Variants in ZNF564 observed in about 807,000 individuals in gnomAD.
The protein encoded by ZNF564 is zinc finger protein 564.
ZNF564 carries 5 observed loss-of-function variants against 10.5 expected under a neutral mutation model. The ratio of observed to expected loss-of-function variants is 0.48; its 90% CI spans 0.25 to 1.00. ZNF564 has a LOEUF of 1.00. Among genes scored for constraint, ZNF564 ranks in the 50% least tolerant of loss-of-function variants. The pLI is 0.16. For missense variants in ZNF564, 603 were observed against 669.7 expected, an observed-to-expected ratio of 0.90 and a Z score of 1.10; for synonymous variants, 242 against 218.1, an observed-to-expected ratio of 1.11 and a Z score of -0.97.
intron 1 of ZNF564, among the ~76,000 whole-genome samples, chr19:12,548,367 C>T (rs998787633): frequency 1.3e-5 from 2 of 151,944 alleles, no homozygotes; most frequent in African/African-American, 4.8e-5. Context: ...CAGGCACACA[C>T]CGCCACACCC....
chr19:12,541,066 C>CAAAAA (rs35848835), intron 1 of ZNF564, among the ~76,000 whole-genome samples: 7 of 59,596 alleles, frequency 1.2e-4, no homozygotes, highest in Admixed American at 2.3e-4. Context: ...CCTGTCTCTA[C>CAAAAA]AAAAAAAAAA....
chr19:12,536,231 C>T (rs1397589443), intron 1 of ZNF564, among the ~76,000 whole-genome samples: 1 of 152,078 alleles, frequency 6.6e-6, no homozygotes, highest in Non-Finnish European at 1.5e-5. Context: ...GATTGGAGTG[C>T]AGTGGTATGA....
At position 12,551,478 on chromosome 19, in the gene ZNF564, A is replaced by C; in HGVS notation, c.-146T>G. ...CCAAACGCAGCGGACACGAAACAGGAAGACCCCGCGGAGTTGTTGAACATT... is the reference window on the plus strand; with the variant it reads ...CCAAACGCAGCGGACACGAAACAGGCAGACCCCGCGGAGTTGTTGAACATT... On this transcript the variant is annotated 5_prime_UTR_variant, in exon 1 of 4. Coordinates refer to ENST00000339282, the MANE Select transcript of ZNF564 (RefSeq NM_144976.4). The C allele has an allele frequency of 7.1e-7, 1 of 1,411,600 alleles. No individual in the cohort carries two copies. The highest frequency in any genetic ancestry group is 1.5e-5 in the South Asian group (1 of 67,480). 87.4% of individuals were successfully genotyped at this position (1,411,600 alleles called of 1,614,324 possible). A position where few individuals can be genotyped will look rare whatever the true frequency, so the allele number is the denominator to read the frequency against.
intron 3 of ZNF564, 114 bp downstream of exon 3, chr19:12,528,190 A>C: frequency 9.1e-7 from 1 of 1,104,148 alleles, no homozygotes; most frequent in East Asian, 2.4e-5. Context: ...TCTGGTGAAA[A>C]AGTTGTAGGA....
At chr19:12,547,260 G>C (rs377248712) in intron 1 of ZNF564, among the ~76,000 whole-genome samples, 10 of 152,092 alleles carry the variant, frequency 6.6e-5, no homozygotes, top group East Asian at 5.8e-4. Flanking sequence ...CTTACTATGT[G>C]TACAGGTTAG....
rs548451925 is a variant in ZNF564 at position 12,538,801 on chromosome 19, CCT to C, written c.4-10107_4-10106del. 6.7e-3 allele frequency among the ~76,000 whole-genome samples: 1,015 copies of C among 151,240 alleles called. 11 individuals carry two copies. The highest frequency in any genetic ancestry group is 7.4e-3 in the Non-Finnish European group (502 of 67,820). On this transcript the variant is annotated intron_variant, in intron 1 of 3. Transcript: ENST00000339282. ...TCCAGTCTGGGCGACAGAGCAAGAC[CCT>C]GTCTCAAAAAAAAAAGTATCAACTT...
chr19:12,537,120 T>C (rs976991440), intron 1 of ZNF564, among the ~76,000 whole-genome samples: 11 of 152,192 alleles, frequency 7.2e-5, no homozygotes, highest in Admixed American at 1.3e-4. Context: ...GTCACATCCA[T>C]GTTGTAGCAC....
In ZNF564 at chr19:12,527,745, G is replaced by T. The variant is rs774473530; in HGVS notation, c.363C>A (p.His121Gln). 5 of 1,613,938 alleles carry T rather than the reference G, an allele frequency of 3.1e-6. No individual in the cohort carries two copies. The highest frequency in any genetic ancestry group is 4.2e-6 in the Non-Finnish European group (5 of 1,180,018). ...GTTTGTGTCCAAGGTGAGATCTGAT[G>T]TGCCTACTAAGGGATGAATGATGCA... Reference protein sequence around the residue: ...VFMHHSSLSRHIRSHLGHKPY... With the variant: ...VFMHHSSLSRQIRSHLGHKPY... Residue 121 changes from histidine (H) to glutamine (Q), a missense_variant, in exon 4 of 4, where the codon CAC becomes CAA. By Grantham distance (24) the His-to-Gln change is conservative. Transcript: ENST00000339282.
chr19:12,551,267 G>A (rs752104545), intron 1 of ZNF564, 63 bp downstream of exon 1: 13 of 1,564,196 alleles, frequency 8.3e-6, no homozygotes, highest in Non-Finnish European at 1.1e-5. Context: ...TTCCACAGCC[G>A]GTTCCGGCCG....
chr19:12,538,623 TA>T (rs1411091381), intron 1 of ZNF564, among the ~76,000 whole-genome samples: 1 of 151,018 alleles, frequency 6.6e-6, no homozygotes, highest in Non-Finnish European at 1.5e-5. Context: ...AGACTCTGTC[TA>T]AAAAAAATAA....
At position 12,526,283 on chromosome 19, in the gene ZNF564, A is replaced by G; in HGVS notation, c.*163T>C. 1 of 713,772 alleles carries G rather than the reference A, an allele frequency of 1.4e-6. No individual in the cohort carries two copies. Among genetic ancestry groups the G allele is most frequent in the South Asian group, 2.4e-5 (1 of 42,118 alleles). The allele number at this position is 713,772 out of a possible 1,614,324, so 44.2% of individuals were successfully genotyped here. ...CGAACCGGTGAAAACCAAACTAGTC[A>G]TGTATTTCCAAAATATGAGACAGGC... On this transcript the variant is annotated 3_prime_UTR_variant, in exon 4 of 4. Coordinates refer to ENST00000339282, the MANE Select transcript of ZNF564 (RefSeq NM_144976.4).
In ZNF564 at chr19:12,538,670, T is replaced by G. The variant is rs549835986; in HGVS notation, c.4-9974A>C. On this transcript the variant is annotated intron_variant, in intron 1 of 3. Coordinates refer to ENST00000339282, the MANE Select transcript of ZNF564 (RefSeq NM_144976.4). ...AATAAAAAAATTTTAACTAGTCGAGTGTGGTGGCACAAGCCTGTAATCCCA... is the reference window on the plus strand; with the variant it reads ...AATAAAAAAATTTTAACTAGTCGAGGGTGGTGGCACAAGCCTGTAATCCCA... Among the ~76,000 whole-genome samples, 6 of 151,388 alleles carry G rather than the reference T, an allele frequency of 4.0e-5. No individual in the cohort carries two copies. The South Asian group carries it at 8.4e-4, about 21-fold the overall frequency.
At chr19:12,548,656 T>C (rs924452951) in intron 1 of ZNF564, 15 of 605,458 alleles carry the variant, frequency 2.5e-5, no homozygotes, top group Non-Finnish European at 4.1e-5. Context: ...TTGTATTCTA[T>C]AGCTTAAACA....
chr19:12,545,706 A>G lies in ZNF564; in HGVS notation c.3+5624T>C, dbSNP rs932064319. 4.6e-5 allele frequency among the ~76,000 whole-genome samples: 7 copies of G among 152,210 alleles called. No homozygotes were observed. The East Asian group carries it at 1.3e-3, about 29-fold the overall frequency. ...TTAAGTATAACTCAGGAACAGGCAA[A>G]TAAGAGCTGAAAAATGGCAGGGAAA... On this transcript the variant is annotated intron_variant, in intron 1 of 3. Coordinates refer to ENST00000339282, the MANE Select transcript of ZNF564 (RefSeq NM_144976.4).
At chr19:12,532,198 G>T (rs1215967061) in intron 1 of ZNF564, among the ~76,000 whole-genome samples, 1 of 151,904 alleles carries the variant, frequency 6.6e-6, no homozygotes. Flanking sequence ...ACTCCAGCCT[G>T]GGGAACAGCG....
intron 1 of ZNF564, among the ~76,000 whole-genome samples, chr19:12,545,262 C>CAAAAAA (rs534783270): frequency 3.5e-5 from 2 of 57,418 alleles, no homozygotes; most frequent in African/African-American, 1.0e-4. Flanking sequence ...AATTCCGTCT[C>CAAAAAA]AAAAAAAAAA....
At chr19:12,549,001 G>C in intron 1 of ZNF564, 2 of 638,414 alleles carry the variant, frequency 3.1e-6, no homozygotes, top group Non-Finnish European at 5.6e-6. Context: ...CATTCTCAAG[G>C]CTAAGTTCTG....
chr19:12,551,216 G>C, intron 1 of ZNF564, 114 bp downstream of exon 1: 1 of 1,265,296 alleles, frequency 7.9e-7, no homozygotes, highest in Non-Finnish European at 1.1e-6. Flanking sequence ...CAGGGAACTC[G>C]GGTCCCAGAC....
At chr19:12,537,785 T>A (rs944345959) in intron 1 of ZNF564, among the ~76,000 whole-genome samples, 1 of 152,000 alleles carries the variant, frequency 6.6e-6, no homozygotes, top group African/African-American at 2.4e-5. Flanking sequence ...TTTTCTTAAT[T>A]TCCATTTTGG....
Sources: allele counts gnomAD v4.1 joint callset (sites outside exome capture counted in the v4.1 genomes callset), GRCh38; gene constraint gnomAD v4.1.1; transcripts MANE v1.5; gene names NCBI Gene and HGNC (gene_info 2026-07-23, HGNC 2026-07-21).